DLG2: variants seen among roughly 807,000 people sequenced by gnomAD.
DLG2 encodes discs large MAGUK scaffold protein 2, also known as disks large homolog 2.
Under a neutral mutation model 132.5 loss-of-function variants are expected in DLG2, and 45 were observed. The observed-to-expected ratio is 0.34, with a 90% confidence interval of 0.27 to 0.44. The LOEUF is 0.44. Ranked by LOEUF, DLG2 falls within the 20% of genes least tolerant of loss-of-function variation. The probability of loss-of-function intolerance (pLI) is 1.00; values close to 1 mark genes in which losing one functional copy is unlikely to be tolerated. For missense variants in DLG2, 1,045 were observed against 1,196.9 expected (o/e 0.87, Z 1.87); for synonymous variants, 424 against 419.6 (o/e 1.01, Z -0.13).
intron 15 of DLG2, among the ~76,000 whole-genome samples, chr11:83,897,319 G>A (rs569142449): frequency 2.6e-5 from 4 of 152,220 alleles, no homozygotes; most frequent in African/African-American, 9.6e-5. Flanking sequence ...TAAGAAAGAA[G>A]CAATGAGGAA....
At chr11:84,489,996 A>G (rs1197483162) in intron 7 of DLG2, among the ~76,000 whole-genome samples, 1 of 152,246 alleles carries the variant, frequency 6.6e-6, no homozygotes, top group East Asian at 1.9e-4. Context: ...AAAAAAGAAG[A>G]TATTTTCAGA....
chr11:84,000,650 A>G (rs71469607), intron 11 of DLG2, among the ~76,000 whole-genome samples: 3,371 of 152,260 alleles, frequency 0.022, 68 homozygotes, highest in Middle Eastern at 0.034. Flanking sequence ...AATCTCCACT[A>G]GACTAAAATT....
intron 7 of DLG2, among the ~76,000 whole-genome samples, chr11:84,369,797 G>A (rs1160623969): frequency 6.6e-6 from 1 of 152,106 alleles, no homozygotes; most frequent in Non-Finnish European, 1.5e-5. Flanking sequence ...ACAGTTTGAG[G>A]ATCATAAGAA....
chr11:85,202,947 A>C (rs2152555792), intron 4 of DLG2, among the ~76,000 whole-genome samples: 1 of 151,656 alleles, frequency 6.6e-6, no homozygotes, highest in East Asian at 1.9e-4. Context: ...AAAAAATCTA[A>C]AAACTTCAAA....
intron 4 of DLG2, among the ~76,000 whole-genome samples, chr11:85,238,734 G>T (rs191012436): frequency 1.3e-5 from 2 of 151,916 alleles, no homozygotes; most frequent in African/African-American, 4.8e-5. Flanking sequence ...CTACATAAAA[G>T]CTGCATTTTC....
At chr11:84,562,335 T>C (rs2099430211) in intron 6 of DLG2, among the ~76,000 whole-genome samples, 1 of 152,170 alleles carries the variant, frequency 6.6e-6, no homozygotes, top group African/African-American at 2.4e-5. Context: ...GTAAAATTTT[T>C]TTAAAAAGAA....
At chr11:84,716,542 G>C (rs1043661936) in intron 6 of DLG2, among the ~76,000 whole-genome samples, 8 of 151,868 alleles carry the variant, frequency 5.3e-5, no homozygotes, top group Non-Finnish European at 7.4e-5. Flanking sequence ...GATCTTTGTG[G>C]ATGGAGAAAA....
intron 6 of DLG2, among the ~76,000 whole-genome samples, chr11:85,026,948 G>A (rs1039973759): frequency 2.6e-5 from 4 of 152,090 alleles, no homozygotes; most frequent in Admixed American, 6.5e-5. Context: ...GTACAGAGCT[G>A]TAAGTCTAAG....
intron 7 of DLG2, among the ~76,000 whole-genome samples, chr11:84,297,306 G>C (rs2098104181): frequency 6.6e-6 from 1 of 152,168 alleles, no homozygotes; most frequent in Admixed American, 6.5e-5. Context: ...TACTAGATGA[G>C]AAGGAGTGTG....
intron 11 of DLG2, among the ~76,000 whole-genome samples, chr11:84,047,897 T>C (rs2096273340): frequency 6.6e-6 from 1 of 151,608 alleles, no homozygotes; most frequent in African/African-American, 2.4e-5. Context: ...ACAGTGGGAA[T>C]TACAGTGGCA....
chr11:84,015,341 T>C (rs1702985474), intron 11 of DLG2, among the ~76,000 whole-genome samples: 1 of 152,136 alleles, frequency 6.6e-6, no homozygotes, highest in African/African-American at 2.4e-5. Context: ...CTAAGACTTG[T>C]GTGTATTAAC....
intron 7 of DLG2, among the ~76,000 whole-genome samples, chr11:84,308,747 G>T (rs1459080811): frequency 6.6e-6 from 1 of 152,120 alleles, no homozygotes; most frequent in African/African-American, 2.4e-5. Flanking sequence ...ACTGCTGGGG[G>T]ACCCAGTACA....
At chr11:84,206,811 A>C (rs1365180892) in intron 8 of DLG2, among the ~76,000 whole-genome samples, 1 of 151,978 alleles carries the variant, frequency 6.6e-6, no homozygotes, top group African/African-American at 2.4e-5. Flanking sequence ...ATAATGCATA[A>C]AAATGACTTT....
chr11:84,525,980 A>T (rs2099319180), intron 7 of DLG2, among the ~76,000 whole-genome samples: 3 of 152,084 alleles, frequency 2.0e-5, no homozygotes, highest in Non-Finnish European at 2.9e-5. Flanking sequence ...TTTCTCTGAC[A>T]ACACCCATCC....
chr11:84,039,812 T>G (rs2096006928), intron 11 of DLG2, among the ~76,000 whole-genome samples: 1 of 139,126 alleles, frequency 7.2e-6, no homozygotes, highest in African/African-American at 2.5e-5. Context: ...TCCACAGTGG[T>G]TGAACTAGTT....
At chr11:84,046,803 T>C (rs1206801713) in intron 11 of DLG2, among the ~76,000 whole-genome samples, 2 of 151,604 alleles carry the variant, frequency 1.3e-5, no homozygotes. Context: ...TTTACAGATA[T>C]TAAAATAGAT....
chr11:84,884,479 C>T (rs770043493), intron 6 of DLG2, among the ~76,000 whole-genome samples: 7 of 152,094 alleles, frequency 4.6e-5, no homozygotes, highest in Non-Finnish European at 8.8e-5. Flanking sequence ...GAAGCATCCT[C>T]AGATCTATTT....
chr11:83,983,096 C>A (rs1393576591), intron 11 of DLG2, among the ~76,000 whole-genome samples: 1 of 151,982 alleles, frequency 6.6e-6, no homozygotes, highest in Non-Finnish European at 1.5e-5. Flanking sequence ...TTAAATGACA[C>A]ATGAATGTAT....
At chr11:84,464,996 A>C (rs1165735586) in intron 7 of DLG2, among the ~76,000 whole-genome samples, 1 of 151,246 alleles carries the variant, frequency 6.6e-6, no homozygotes, top group Non-Finnish European at 1.5e-5. Flanking sequence ...AACTGACAGA[A>C]TATTCCAGGT....
Sources: allele counts gnomAD v4.1 joint callset (sites outside exome capture counted in the v4.1 genomes callset), GRCh38; gene constraint gnomAD v4.1.1; transcripts MANE v1.5; gene names NCBI Gene and HGNC (gene_info 2026-07-23, HGNC 2026-07-21).